The following ZMYM1 variants were observed in gnomAD, a reference collection of about 807,000 sequenced individuals.
ZMYM1 encodes the protein zinc finger MYM-type containing 1, also known as zinc finger MYM-type protein 1.
Under a neutral mutation model 60.0 loss-of-function variants are expected in ZMYM1, and 39 were observed. The observed-to-expected ratio is 0.65, with a 90% CI of 0.50 to 0.85. The LOEUF is 0.85. ZMYM1 is among the 40% of genes least tolerant of loss of function. The pLI, the probability that ZMYM1 is intolerant of heterozygous loss-of-function variation, is 0.00. For missense variants in ZMYM1, 1,171 were observed against 1,309.5 expected (o/e 0.89, Z 1.63); for synonymous variants, 413 against 454.0 (o/e 0.91, Z 1.15).
At position 35,113,375 on chromosome 1, in the gene ZMYM1, A is replaced by C; in HGVS notation, c.1545A>C (p.Lys515Asn). 1 of 1,613,594 alleles carries C rather than the reference A, an allele frequency of 6.2e-7. No homozygotes were observed. Among genetic ancestry groups the C allele is most frequent in the South Asian group, 1.1e-5 (1 of 90,880 alleles). The change falls in exon 10 of 10, where the codon AAA becomes AAC. Residue 515 changes from lysine (K) to asparagine (N), a missense_variant. Physicochemically the swap from Lys to Asn is moderately conservative, Grantham distance 94. Transcript: ENST00000359858. ...KTLEKFRKHE[K>N]SEMHLKSLEF... ...TGGAAAAATTCAGAAAGCATGAAAA[A>C]AGTGAAATGCATTTGAAGTCATTGG...
chr1:35,095,974 G>A, intron 3 of ZMYM1, 83 bp downstream of exon 3: 1 of 1,077,652 alleles, frequency 9.3e-7, no homozygotes, highest in Non-Finnish European at 1.4e-6. Context: ...TTTGAATATT[G>A]CTTTGTTTGT....
At chr1:35,065,701 A>G (rs1036941784) in intron 1 of ZMYM1, among the ~76,000 whole-genome samples, 13 of 151,880 alleles carry the variant, frequency 8.6e-5, no homozygotes, top group African/African-American at 3.1e-4. Flanking sequence ...GAAGGAAGGA[A>G]ATAAAGAGCA....
At chr1:35,110,546 A>C in intron 7 of ZMYM1, 99 bp downstream of exon 7, 2 of 1,030,758 alleles carry the variant, frequency 1.9e-6, no homozygotes, top group Non-Finnish European at 1.3e-6. Context: ...AATTAAACCG[A>C]CTTTTAAAAG....
At chr1:35,063,057 G>A (rs774070095) in intron 1 of ZMYM1, among the ~76,000 whole-genome samples, 2 of 151,820 alleles carry the variant, frequency 1.3e-5, no homozygotes, top group East Asian at 1.9e-4. Flanking sequence ...GACTCCTTCC[G>A]TCTTCTCTTG....
chr1:35,105,634 C>T (rs1425239894), intron 6 of ZMYM1, among the ~76,000 whole-genome samples: 2 of 151,810 alleles, frequency 1.3e-5, no homozygotes, highest in African/African-American at 2.4e-5. Flanking sequence ...TTTTTTGAGA[C>T]GAGGTCTTTG....
intron 4 of ZMYM1, among the ~76,000 whole-genome samples, chr1:35,103,140 A>G (rs756573690): frequency 1.2e-4 from 18 of 152,140 alleles, no homozygotes; most frequent in South Asian, 1.0e-3. Flanking sequence ...CAAGAAATTA[A>G]CCATTTCATT....
At chr1:35,078,763 G>A (rs1278492251), upstream of ZMYM1, among the ~76,000 whole-genome samples, 1 of 151,698 alleles carries the variant, frequency 6.6e-6, no homozygotes. Context: ...TGGTCAGGAT[G>A]GTCTTGAATT....
At position 35,113,872 on chromosome 1, in the gene ZMYM1, G is replaced by A; in HGVS notation, c.2042G>A (p.Gly681Asp). The A allele has an allele frequency of 6.2e-7, 1 of 1,613,770 alleles. No homozygotes were observed. The highest frequency in any genetic ancestry group is 1.3e-5 in the African/African-American group (1 of 75,022). ...KAILIKERFLGFVDTEEMTGT... is the reference protein window; with the variant it reads ...KAILIKERFLDFVDTEEMTGT... ...ATCTTAATTAAGGAAAGATTCTTGG[G>A]TTTTGTTGATACTGAGGAGATGACT... Residue 681 changes from glycine to aspartate, a missense_variant, in exon 10 of 10, where the codon GGT becomes GAT. Physicochemically the swap from Gly to Asp is moderately conservative, Grantham distance 94. Coordinates refer to ENST00000359858, the MANE Select transcript of ZMYM1 (RefSeq NM_024772.5).
At chr1:35,098,783 T>A (rs1020540334) in intron 4 of ZMYM1, among the ~76,000 whole-genome samples, 1 of 152,174 alleles carries the variant, frequency 6.6e-6, no homozygotes, top group Non-Finnish European at 1.5e-5. Flanking sequence ...GGCATGCACC[T>A]GTAATCCCAG....
intron 6 of ZMYM1, among the ~76,000 whole-genome samples, chr1:35,108,326 T>A (rs1172865685): frequency 6.6e-6 from 1 of 152,118 alleles, no homozygotes; most frequent in East Asian, 1.9e-4. Flanking sequence ...TTTTTTTGTC[T>A]TTGTACTTTG....
At chr1:35,079,169 G>T (rs1345624041), upstream of ZMYM1, 4 of 152,340 alleles carry the variant, frequency 2.6e-5, no homozygotes, top group East Asian at 7.7e-4. Flanking sequence ...CCCTGCCTGA[G>T]CTCTGAGTCA....
chr1:35,091,623 G>A (rs967351511), intron 1 of ZMYM1, among the ~76,000 whole-genome samples: 22 of 151,832 alleles, frequency 1.4e-4, no homozygotes, highest in African/African-American at 5.1e-4. Flanking sequence ...TAGGCTGGGA[G>A]CAGATGGACA....
intron 1 of ZMYM1, among the ~76,000 whole-genome samples, chr1:35,085,268 C>T (rs187124994): frequency 7.9e-5 from 12 of 152,202 alleles, no homozygotes; most frequent in East Asian, 1.9e-4. Flanking sequence ...AGGATGATCT[C>T]GATCTCCTGA....
At chr1:35,099,094 G>A (rs1643498222) in intron 4 of ZMYM1, among the ~76,000 whole-genome samples, 1 of 152,096 alleles carries the variant, frequency 6.6e-6, no homozygotes, top group South Asian at 2.1e-4. Flanking sequence ...AACAATACCA[G>A]CATGTAGTAA....
chr1:35,102,545 T>C (rs921492458), intron 4 of ZMYM1, among the ~76,000 whole-genome samples: 2 of 152,254 alleles, frequency 1.3e-5, no homozygotes, highest in Non-Finnish European at 2.9e-5. Flanking sequence ...TCCAAAATTC[T>C]AATTATCACT....
At chr1:35,072,981 CTGAGGCAGGAGAATCACT>C (rs1642094461) in intron 1 of ZMYM1, among the ~76,000 whole-genome samples, 1 of 151,938 alleles carries the variant, frequency 6.6e-6, no homozygotes, top group Non-Finnish European at 1.5e-5. Flanking sequence ...ACTTGGGAGG[CTGAGGCAGGAGAATCACT>C]TGAACCTGGG....
At position 35,113,862 on chromosome 1, in the gene ZMYM1, A is replaced by G. The variant is rs1413257566; in HGVS notation, c.2032A>G (p.Arg678Gly). The change falls in exon 10 of 10, where the codon AGA becomes GGA. Residue 678 changes from arginine to glycine, a missense_variant. Transcript: ENST00000359858. ...ATCAAAGGCTATCTTAATTAAGGAA[A>G]GATTCTTGGGTTTTGTTGATACTGA... ...KSSKAILIKE[R>G]FLGFVDTEEM... The G allele has an allele frequency of 1.2e-6, 2 of 1,613,672 alleles. No individual in the cohort carries two copies. The highest frequency in any genetic ancestry group is 2.7e-5 in the African/African-American group (2 of 74,916).
At chr1:35,088,454 A>ATATATATATGTGTGTGTGTG (rs1464546786) in intron 1 of ZMYM1, among the ~76,000 whole-genome samples, 4 of 107,284 alleles carry the variant, frequency 3.7e-5, no homozygotes, top group African/African-American at 8.5e-5. Context: ...ATATATATAT[A>ATATATATATGTGTGTGTGTG]TGTGTGTGTG....
intron 1 of ZMYM1, among the ~76,000 whole-genome samples, chr1:35,065,770 A>C (rs1054305793): frequency 7.9e-5 from 12 of 152,042 alleles, no homozygotes; most frequent in African/African-American, 2.9e-4. Context: ...CTCTTTGGAA[A>C]GATCAGTAAG....
Sources: gnomAD v4.1 joint callset for allele counts (sites outside exome capture counted in the v4.1 genomes callset) on GRCh38, gnomAD v4.1.1 for gene constraint, MANE v1.5 for transcripts, NCBI Gene and HGNC (gene_info 2026-07-23, HGNC 2026-07-21) for gene names.